ADGRL3: variants seen among roughly 807,000 people sequenced by gnomAD.
ADGRL3 encodes calcium-independent alpha-latrotoxin receptor 3.
ADGRL3 carries 62 observed loss-of-function variants against 153.5 expected under a neutral mutation model. That is an observed-to-expected ratio of 0.40 (90% confidence interval 0.33 to 0.50). The LOEUF (loss-of-function observed/expected upper bound fraction) is 0.50, where lower values mean the gene tolerates loss of function less well. ADGRL3 is among the 20% of genes least tolerant of loss of function. The probability of loss-of-function intolerance (pLI) is 0.47; values close to 1 mark genes in which losing one functional copy is unlikely to be tolerated. For missense variants in ADGRL3, 1,641 were observed against 1,859.4 expected, an observed-to-expected ratio of 0.88 and a Z score of 2.16; for synonymous variants, 710 against 672.5, an observed-to-expected ratio of 1.06 and a Z score of -0.86.
At chr4:61,720,313 C>T (rs2096217699) in intron 6 of ADGRL3, among the ~76,000 whole-genome samples, 1 of 151,980 alleles carries the variant, frequency 6.6e-6, no homozygotes, top group Non-Finnish European at 1.5e-5. Context: ...TGGTGTCCAA[C>T]TCCCGACCTC....
At chr4:61,428,835 C>A (rs1169332305) in intron 2 of ADGRL3, among the ~76,000 whole-genome samples, 1 of 60,908 alleles carries the variant, frequency 1.6e-5, no homozygotes, top group African/African-American at 6.5e-5. Context: ...TATCATTTAT[C>A]TATCTATCTA....
chr4:61,971,242 G>A (rs1438639867), intron 17 of ADGRL3, among the ~76,000 whole-genome samples: 1 of 151,604 alleles, frequency 6.6e-6, no homozygotes, highest in African/African-American at 2.4e-5. Flanking sequence ...GTGCCATGCT[G>A]GTGTGCTGCA....
chr4:61,629,234 C>A (rs1248927879), intron 5 of ADGRL3, among the ~76,000 whole-genome samples: 2 of 152,104 alleles, frequency 1.3e-5, no homozygotes, highest in Non-Finnish European at 2.9e-5. Context: ...GATGCTGATA[C>A]TATTAGAAAT....
chr4:61,690,864 T>C (rs2095528085), intron 6 of ADGRL3, among the ~76,000 whole-genome samples: 1 of 152,148 alleles, frequency 6.6e-6, no homozygotes, highest in African/African-American at 2.4e-5. Flanking sequence ...CACATCAAGC[T>C]ATCTTCAAGA....
intron 2 of ADGRL3, among the ~76,000 whole-genome samples, chr4:61,412,015 A>T (rs6826349): frequency 6.6e-6 from 1 of 152,160 alleles, no homozygotes; most frequent in African/African-American, 2.4e-5. Flanking sequence ...TGGATATTAC[A>T]TCATTGCTCA....
chr4:61,556,731 G>T (rs2098768871), intron 4 of ADGRL3, among the ~76,000 whole-genome samples: 1 of 152,168 alleles, frequency 6.6e-6, no homozygotes, highest in Admixed American at 6.6e-5. Flanking sequence ...GATGTAAAAT[G>T]ATAAAAGGCA....
chr4:61,399,170 G>A (rs1319625375), intron 2 of ADGRL3, among the ~76,000 whole-genome samples: 2 of 151,640 alleles, frequency 1.3e-5, no homozygotes, highest in African/African-American at 2.4e-5. Flanking sequence ...CTGTCAAAAT[G>A]ATGTTTGAAG....
intron 6 of ADGRL3, among the ~76,000 whole-genome samples, chr4:61,708,293 A>C (rs2095891417): frequency 6.6e-6 from 1 of 152,194 alleles, no homozygotes; most frequent in Non-Finnish European, 1.5e-5. Context: ...AATGTATCAA[A>C]GTCATAAATC....
chr4:61,479,709 A>T (rs1428491500), intron 2 of ADGRL3, among the ~76,000 whole-genome samples: 2 of 152,290 alleles, frequency 1.3e-5, no homozygotes, highest in East Asian at 1.9e-4. Flanking sequence ...AAACATGTAT[A>T]TTAGAGGTGA....
At chr4:61,227,171 T>C (rs749635863) in intron 1 of ADGRL3, among the ~76,000 whole-genome samples, 7 of 152,148 alleles carry the variant, frequency 4.6e-5, no homozygotes, top group Non-Finnish European at 8.8e-5. Context: ...CTGCAGAAGA[T>C]GACTTGGAGG....
intron 6 of ADGRL3, among the ~76,000 whole-genome samples, chr4:61,729,781 A>G (rs1324033636): frequency 6.6e-6 from 1 of 152,002 alleles, no homozygotes; most frequent in East Asian, 1.9e-4. Flanking sequence ...CAAAATTTTT[A>G]CTGACTTGTA....
intron 21 of ADGRL3, among the ~76,000 whole-genome samples, chr4:62,011,248 A>G (rs1174069002): frequency 6.6e-6 from 1 of 152,176 alleles, no homozygotes; most frequent in African/African-American, 2.4e-5. Flanking sequence ...TACAAGTTTT[A>G]CATGTTATGA....
chr4:61,895,710 A>G, intron 10 of ADGRL3, 21 bp from the exon 11 acceptor site: 1 of 1,290,580 alleles, frequency 7.7e-7, no homozygotes, highest in East Asian at 2.4e-5. Context: ...AGAAACAGAT[A>G]CATTTCTCTC....
chr4:61,575,817 CCAGAACCTTTATTT>C (rs1481766718), intron 4 of ADGRL3, among the ~76,000 whole-genome samples: 2 of 151,972 alleles, frequency 1.3e-5, no homozygotes, highest in African/African-American at 2.4e-5. Context: ...GTGTAGAAAT[CCAGAACCTTTATTT>C]TAATCTAGTC....
At chr4:61,242,125 C>T (rs2149334700) in intron 1 of ADGRL3, among the ~76,000 whole-genome samples, 1 of 152,066 alleles carries the variant, frequency 6.6e-6, no homozygotes, top group South Asian at 2.1e-4. Flanking sequence ...ATTGTTTTTA[C>T]CTAGAGCATT....
intron 4 of ADGRL3, among the ~76,000 whole-genome samples, chr4:61,538,126 G>GA (rs1019547804): frequency 1.3e-5 from 2 of 151,952 alleles, no homozygotes; most frequent in African/African-American, 4.8e-5. Context: ...GCTTCAGTTG[G>GA]ATGGGAAATA....
At chr4:61,283,772 G>C (rs756249819) in intron 1 of ADGRL3, among the ~76,000 whole-genome samples, 14 of 151,986 alleles carry the variant, frequency 9.2e-5, no homozygotes, top group African/African-American at 3.1e-4. Flanking sequence ...GGGTCTTCTG[G>C]CTTCTTACCC....
chr4:61,440,893 T>G (rs988051403), intron 2 of ADGRL3, among the ~76,000 whole-genome samples: 2 of 152,208 alleles, frequency 1.3e-5, no homozygotes, highest in African/African-American at 4.8e-5. Flanking sequence ...ATGTACCCTT[T>G]GGTTTAAATA....
At chr4:61,436,539 A>G (rs1341881399) in intron 2 of ADGRL3, among the ~76,000 whole-genome samples, 1 of 152,126 alleles carries the variant, frequency 6.6e-6, no homozygotes, top group Non-Finnish European at 1.5e-5. Flanking sequence ...CTTAAGAGAT[A>G]TGTGAACAAG....
Sources: allele counts gnomAD v4.1 joint callset (sites outside exome capture counted in the v4.1 genomes callset), GRCh38; gene constraint gnomAD v4.1.1; transcripts MANE v1.5; gene names NCBI Gene and HGNC (gene_info 2026-07-23, HGNC 2026-07-21).